The following PRKCA variants were observed in gnomAD, a reference collection of about 807,000 sequenced individuals.
PRKCA encodes the protein protein kinase C alpha type.
PRKCA carries 27 observed loss-of-function variants against 87.0 expected under a neutral mutation model. The ratio of observed to expected loss-of-function variants is 0.31; its 90% confidence interval spans 0.23 to 0.43. The LOEUF (loss-of-function observed/expected upper bound fraction) is 0.43, where lower values mean the gene tolerates loss of function less well. Among genes scored for constraint, PRKCA ranks in the 20% least tolerant of loss-of-function variants. The pLI is 1.00. For synonymous variants in PRKCA, 329 were observed against 311.1 expected (o/e 1.06, Z -0.61); for missense variants, 518 against 852.3 (o/e 0.61, Z 4.88).
At chr17:66,748,407 A>G (rs971795729) in intron 13 of PRKCA, among the ~76,000 whole-genome samples, 8 of 152,218 alleles carry the variant, frequency 5.3e-5, no homozygotes, top group Non-Finnish European at 1.0e-4. Flanking sequence ...TGAGGTCAAG[A>G]GTCCTATTAA....
intron 3 of PRKCA, among the ~76,000 whole-genome samples, chr17:66,623,535 G>A (rs1257476221): frequency 6.6e-6 from 1 of 152,128 alleles, no homozygotes; most frequent in Admixed American, 6.5e-5. Context: ...CCTTGGGAGG[G>A]AATGCAGGAT....
intron 2 of PRKCA, among the ~76,000 whole-genome samples, chr17:66,320,228 A>T (rs1399825165): frequency 6.6e-6 from 1 of 152,150 alleles, no homozygotes; most frequent in Non-Finnish European, 1.5e-5. Context: ...GACTTGCTGT[A>T]AACCAAACCC....
intron 2 of PRKCA, among the ~76,000 whole-genome samples, chr17:66,456,463 C>T (rs1269255756): frequency 6.6e-6 from 1 of 152,176 alleles, no homozygotes; most frequent in East Asian, 1.9e-4. Context: ...GAGGCCATTG[C>T]CCCAAACCAA....
intron 3 of PRKCA, among the ~76,000 whole-genome samples, chr17:66,633,170 T>C (rs760878977): frequency 3.9e-5 from 6 of 152,198 alleles, no homozygotes; most frequent in Non-Finnish European, 7.3e-5. Flanking sequence ...GCAGCTTTAC[T>C]GAGTACATGA....
At chr17:66,777,393 C>G in intron 14 of PRKCA, 1 of 984,834 alleles carries the variant, frequency 1.0e-6, no homozygotes, top group African/African-American at 1.7e-5. Flanking sequence ...TGACTGACAT[C>G]AAAAGAGTGG....
intron 2 of PRKCA, among the ~76,000 whole-genome samples, chr17:66,446,257 A>ACT (rs1491453770): frequency 4.1e-5 from 6 of 146,750 alleles, no homozygotes; most frequent in Non-Finnish European, 9.1e-5. Flanking sequence ...ACACACACAC[A>ACT]CTCACACATT....
chr17:66,610,152 T>C (rs1402731269), intron 3 of PRKCA, among the ~76,000 whole-genome samples: 1 of 152,218 alleles, frequency 6.6e-6, no homozygotes, highest in East Asian at 1.9e-4. Context: ...TTCTCTTGTT[T>C]GCTAGGACAG....
At chr17:66,614,104 C>T (rs1970451882) in intron 3 of PRKCA, among the ~76,000 whole-genome samples, 1 of 152,040 alleles carries the variant, frequency 6.6e-6, no homozygotes, top group Non-Finnish European at 1.5e-5. Flanking sequence ...CTCATCTTAA[C>T]TTAACTAAAT....
chr17:66,629,690 A>T (rs377462771), intron 3 of PRKCA, among the ~76,000 whole-genome samples: 2 of 152,218 alleles, frequency 1.3e-5, no homozygotes, highest in Non-Finnish European at 2.9e-5. Flanking sequence ...GGTGCTAAAA[A>T]AATGGTATCA....
intron 2 of PRKCA, among the ~76,000 whole-genome samples, chr17:66,396,955 G>T (rs562709657): frequency 2.8e-4 from 29 of 103,870 alleles, no homozygotes; most frequent in Non-Finnish European, 4.6e-4. Context: ...AAACAATCAA[G>T]ACTTTTTTTT....
chr17:66,372,934 A>G (rs1187995597), intron 2 of PRKCA, among the ~76,000 whole-genome samples: 3 of 152,014 alleles, frequency 2.0e-5, no homozygotes, highest in African/African-American at 4.8e-5. Context: ...GCGGGCACCT[A>G]TAATCCCAGC....
At chr17:66,505,350 A>G (rs1305384576) in intron 3 of PRKCA, among the ~76,000 whole-genome samples, 1 of 152,100 alleles carries the variant, frequency 6.6e-6, no homozygotes, top group African/African-American at 2.4e-5. Flanking sequence ...AGGGATGAGT[A>G]TTTGCCCCGT....
chr17:66,642,612 A>G (rs1254377401), intron 4 of PRKCA, among the ~76,000 whole-genome samples: 2 of 152,222 alleles, frequency 1.3e-5, no homozygotes, highest in Non-Finnish European at 2.9e-5. Flanking sequence ...GATGGCCAGA[A>G]GCTGATATTT....
intron 8 of PRKCA, among the ~76,000 whole-genome samples, chr17:66,724,735 A>G (rs1471812689): frequency 6.6e-6 from 1 of 152,224 alleles, no homozygotes; most frequent in Non-Finnish European, 1.5e-5. Context: ...CTGCTTCCTC[A>G]GGTTTTCTGA....
At chr17:66,772,176 G>C (rs186959452) in intron 13 of PRKCA, among the ~76,000 whole-genome samples, 69 of 152,286 alleles carry the variant, frequency 4.5e-4, no homozygotes, top group African/African-American at 1.6e-3. Context: ...CCGGGTAATA[G>C]ACTGGAGACT....
rs78395019 is a variant in PRKCA, at chr17:66,783,123, C to T, written c.1606-3744C>T. Among the ~76,000 whole-genome samples the T allele has an allele frequency of 1.6e-3, 237 of 152,278 alleles. 7 individuals carry two copies. The East Asian group carries it at 0.034, about 22-fold the overall frequency. Reference sequence around the variant, plus strand: ...CATGTGGTGACAGAGAATCCCTAATCCTTGGGGCCACATCAAGGCTGGAAT... The same window carrying T: ...CATGTGGTGACAGAGAATCCCTAATTCTTGGGGCCACATCAAGGCTGGAAT... On this transcript the variant is annotated intron_variant, in intron 14 of 16. Coordinates refer to ENST00000413366, the MANE Select transcript of PRKCA (RefSeq NM_002737.3).
chr17:66,533,261 T>C (rs1272312960), intron 3 of PRKCA, among the ~76,000 whole-genome samples: 1 of 152,228 alleles, frequency 6.6e-6, no homozygotes, highest in African/African-American at 2.4e-5. Context: ...TCTTAACCAA[T>C]GTATCTGCAT....
At chr17:66,574,716 C>CAAAATCA (rs1295268650) in intron 3 of PRKCA, among the ~76,000 whole-genome samples, 1 of 139,068 alleles carries the variant, frequency 7.2e-6, no homozygotes, top group Non-Finnish European at 1.6e-5. Context: ...ACAGATATTC[C>CAAAATCA]AAAATCAAAA....
intron 3 of PRKCA, among the ~76,000 whole-genome samples, chr17:66,555,066 T>C (rs1210671470): frequency 6.6e-6 from 1 of 152,004 alleles, no homozygotes; most frequent in Non-Finnish European, 1.5e-5. Flanking sequence ...TTAGTAGAGA[T>C]GGGGTTTCAC....
Sources: gnomAD v4.1 joint callset for allele counts (sites outside exome capture counted in the v4.1 genomes callset) on GRCh38, gnomAD v4.1.1 for gene constraint, MANE v1.5 for transcripts, NCBI Gene and HGNC (gene_info 2026-07-23, HGNC 2026-07-21) for gene names.